Variants in CNTNAP4 observed in about 807,000 individuals in gnomAD.
The protein encoded by CNTNAP4 is contactin-associated protein-like 4.
CNTNAP4 carries 98 observed loss-of-function variants against 148.4 expected under a neutral mutation model. The observed-to-expected ratio is 0.66, with a 90% confidence interval of 0.56 to 0.78. CNTNAP4 has a LOEUF of 0.78. CNTNAP4 is among the 30% of genes least tolerant of loss of function. CNTNAP4 has a pLI of 0.00. For missense variants in CNTNAP4, 1,935 were observed against 1,565.6 expected, an observed-to-expected ratio of 1.24 and a Z score of -3.98; for synonymous variants, 730 against 565.1, an observed-to-expected ratio of 1.29 and a Z score of -4.14.
Position 76,448,206 on chromosome 16 carries a change from A to G in CNTNAP4, c.733A>G (p.Ile245Val), listed in dbSNP as rs1363927548. The change falls in exon 5 of 24, where the codon ATT becomes GTT. Residue 245 changes from isoleucine to valine, a missense_variant. Physicochemically the swap from Ile to Val is conservative, Grantham distance 29. Transcript: ENST00000611870. Reference sequence around the variant, plus strand: ...AAGAAGAGCAAGACTCTTTTTACTTATTAATTCAGGTAAAACTATTCGGTG... The same window carrying G: ...AAGAAGAGCAAGACTCTTTTTACTTGTTAATTCAGGTAAAACTATTCGGTG... ...QLRRARLFLLINSGEAKLPST... is the reference protein window; with the variant it reads ...QLRRARLFLLVNSGEAKLPST... The G allele has an allele frequency of 6.2e-7, 1 of 1,607,470 alleles. No individual in the cohort carries two copies. The highest frequency in any genetic ancestry group is 2.2e-5 in the East Asian group (1 of 44,782).
Position 76,522,080 on chromosome 16 carries a change from C to T in CNTNAP4, c.2578C>T (p.Pro860Ser). Reference protein sequence around the residue: ...VTFSFDVGNGPFEISVQSPTH... With the variant: ...VTFSFDVGNGSFEISVQSPTH... ...TTTTTCATTTGATGTGGGGAATGGG[C>T]CTTTTGAAATCTCAGTGCAGTCACC... The change falls in exon 17 of 24, where the codon CCT (proline) becomes TCT (serine). Residue 860 changes from proline (P) to serine (S), a missense_variant. By Grantham distance (74) the Pro-to-Ser change is moderately conservative. Coordinates refer to ENST00000611870, the MANE Select transcript of CNTNAP4 (RefSeq NM_033401.5). The T allele has an allele frequency of 6.2e-7, 1 of 1,613,888 alleles. No homozygotes were observed. Among genetic ancestry groups the T allele is most frequent in the Non-Finnish European group, 8.5e-7 (1 of 1,179,840 alleles).
intron 1 of CNTNAP4, chr16:76,309,977 A>G: frequency 1.5e-6 from 1 of 681,584 alleles, no homozygotes; most frequent in Non-Finnish European, 2.7e-6. Context: ...GAAACGGACT[A>G]AAACAGGGGC....
intron 4 of CNTNAP4, among the ~76,000 whole-genome samples, chr16:76,445,302 T>G (rs16944440): frequency 0.019 from 2,926 of 152,256 alleles, 81 homozygotes; most frequent in African/African-American, 0.067. Context: ...CAACCTGTAA[T>G]GCTTTTATGA....
At chr16:76,360,212 C>A (rs1349320674) in intron 3 of CNTNAP4, among the ~76,000 whole-genome samples, 1 of 152,128 alleles carries the variant, frequency 6.6e-6, no homozygotes, top group Non-Finnish European at 1.5e-5. Context: ...GTGAAAGACA[C>A]AGAGACCCTG....
intron 2 of CNTNAP4, among the ~76,000 whole-genome samples, chr16:76,338,021 T>C (rs1964164584): frequency 6.6e-6 from 1 of 152,146 alleles, no homozygotes; most frequent in South Asian, 2.1e-4. Context: ...GTTTGTACAG[T>C]TAACACAATC....
At chr16:76,451,475 C>T (rs1194799109) in intron 7 of CNTNAP4, among the ~76,000 whole-genome samples, 1 of 152,014 alleles carries the variant, frequency 6.6e-6, no homozygotes, top group Non-Finnish European at 1.5e-5. Flanking sequence ...GTTTAAACAG[C>T]ATTTTATTTC....
At chr16:76,360,611 C>T (rs1269874377) in intron 3 of CNTNAP4, among the ~76,000 whole-genome samples, 3 of 152,214 alleles carry the variant, frequency 2.0e-5, no homozygotes, top group African/African-American at 7.2e-5. Context: ...CACTGCAGTA[C>T]TTGCTTAGTA....
chr16:76,514,949 A>G (rs1398436829), intron 15 of CNTNAP4, among the ~76,000 whole-genome samples: 1 of 152,218 alleles, frequency 6.6e-6, no homozygotes, highest in Non-Finnish European at 1.5e-5. Flanking sequence ...CAACATTTAA[A>G]GCATTTTTAC....
In CNTNAP4 at chr16:76,553,779, A is replaced by T; in HGVS notation, c.3662-57A>T. On this transcript the variant is annotated intron_variant, in intron 22 of 23. Transcript: ENST00000611870. ...TTTAAAACATTTATGATGTTTTCAA[A>T]ATTTCTTCTTTTACTTGCCTATATC... 2.7e-6 allele frequency: 3 copies of T among 1,112,230 alleles called. No homozygotes were observed. In the South Asian group the frequency reaches 4.1e-5, roughly 15 times the overall value. The allele number at this position is 1,112,230 out of a possible 1,614,324, so 68.9% of individuals were successfully genotyped here.
At chr16:76,286,886 T>C (rs1396756653) in intron 1 of CNTNAP4, among the ~76,000 whole-genome samples, 2 of 152,202 alleles carry the variant, frequency 1.3e-5, no homozygotes, top group Non-Finnish European at 2.9e-5. Context: ...AAAAGAACAT[T>C]GCTAAAATAA....
intron 3 of CNTNAP4, among the ~76,000 whole-genome samples, chr16:76,370,917 G>A (rs2014738602): frequency 6.6e-6 from 1 of 150,856 alleles, no homozygotes; most frequent in South Asian, 2.1e-4. Flanking sequence ...TGTATAAAAT[G>A]TTACATTTAG....
At chr16:76,402,027 GT>G (rs2078436992) in intron 3 of CNTNAP4, among the ~76,000 whole-genome samples, 1 of 152,114 alleles carries the variant, frequency 6.6e-6, no homozygotes, top group African/African-American at 2.4e-5. Flanking sequence ...TCTCTGCCAG[GT>G]TTTGGTATCA....
chr16:76,316,588 A>G (rs943292798), intron 2 of CNTNAP4, 65 bp downstream of exon 2: 15 of 1,036,346 alleles, frequency 1.4e-5, no homozygotes, highest in Non-Finnish European at 1.7e-5. Context: ...TTATCTTTGC[A>G]TACAGTCATT....
chr16:76,490,018 C>G, intron 13 of CNTNAP4, 135 bp downstream of exon 13: 1 of 467,190 alleles, frequency 2.1e-6, no homozygotes, highest in Non-Finnish European at 3.7e-6. Flanking sequence ...ACTTAGTAAA[C>G]ATGTCACAGT....
intron 21 of CNTNAP4, among the ~76,000 whole-genome samples, chr16:76,551,978 A>G (rs2084968914): frequency 6.6e-6 from 1 of 152,166 alleles, no homozygotes; most frequent in Non-Finnish European, 1.5e-5. Context: ...GCTTCCTGAG[A>G]CTGGGTAATT....
At chr16:76,328,170 T>C (rs960775355) in intron 2 of CNTNAP4, among the ~76,000 whole-genome samples, 3 of 152,240 alleles carry the variant, frequency 2.0e-5, no homozygotes, top group African/African-American at 7.2e-5. Flanking sequence ...TATTGGACTT[T>C]ACAGTGGAGA....
chr16:76,332,370 C>A (rs1161219914), intron 2 of CNTNAP4, among the ~76,000 whole-genome samples: 3 of 152,072 alleles, frequency 2.0e-5, no homozygotes, highest in Non-Finnish European at 4.4e-5. Context: ...AAGTGATCCT[C>A]CTGCCTTAGT....
intron 4 of CNTNAP4, among the ~76,000 whole-genome samples, chr16:76,439,677 G>T (rs1180008379): frequency 1.3e-5 from 2 of 152,104 alleles, no homozygotes; most frequent in Non-Finnish European, 2.9e-5. Context: ...CTGGTGTGTT[G>T]TTACTGACCT....
chr16:76,352,772 A>G (rs932639545), intron 2 of CNTNAP4, among the ~76,000 whole-genome samples: 3 of 152,178 alleles, frequency 2.0e-5, no homozygotes, highest in African/African-American at 7.2e-5. Context: ...AGATTTTAAA[A>G]TAATGCCCCA....
Sources: allele counts gnomAD v4.1 joint callset (sites outside exome capture counted in the v4.1 genomes callset), GRCh38; gene constraint gnomAD v4.1.1; transcripts MANE v1.5; gene names NCBI Gene and HGNC (gene_info 2026-07-23, HGNC 2026-07-21).